FGF14: variants seen among roughly 807,000 people sequenced by gnomAD.
The protein encoded by FGF14 is fibroblast growth factor homologous factor 4.
A neutral mutation model predicts 25.5 loss-of-function variants in FGF14; 5 were observed. The observed-to-expected ratio is 0.20, with a 90% CI of 0.10 to 0.41. The LOEUF (loss-of-function observed/expected upper bound fraction) is 0.41, where lower values mean the gene tolerates loss of function less well. FGF14 is among the 10% of genes least tolerant of loss of function. The probability of loss-of-function intolerance (pLI) is 1.00; values close to 1 mark genes in which losing one functional copy is unlikely to be tolerated. For missense variants in FGF14, 222 were observed against 320.1 expected (o/e 0.69, Z 2.34); for synonymous variants, 138 against 118.3 (o/e 1.17, Z -1.08).
At chr13:101,969,313 C>T (rs1163328048) in intron 1 of FGF14, among the ~76,000 whole-genome samples, 1 of 152,170 alleles carries the variant, frequency 6.6e-6, no homozygotes, top group Non-Finnish European at 1.5e-5. Context: ...CCTGTAATCC[C>T]AGCACTTTGG....
At chr13:101,929,561 C>A (rs1480823626) in intron 1 of FGF14, among the ~76,000 whole-genome samples, 1 of 152,214 alleles carries the variant, frequency 6.6e-6, no homozygotes, top group Non-Finnish European at 1.5e-5. Flanking sequence ...CTATTTTCCA[C>A]ATAGGTTTGC....
At chr13:102,291,968 G>A (rs1043192108) in intron 1 of FGF14, among the ~76,000 whole-genome samples, 3 of 152,042 alleles carry the variant, frequency 2.0e-5, no homozygotes, top group African/African-American at 7.3e-5. Flanking sequence ...AGAAATGCTT[G>A]AGAGTCGCTG....
chr13:102,330,669 C>T (rs1033801487), intron 1 of FGF14, among the ~76,000 whole-genome samples: 1 of 152,114 alleles, frequency 6.6e-6, no homozygotes, highest in Non-Finnish European at 1.5e-5. Flanking sequence ...GCCTTTGCTG[C>T]AAGGTGACTT....
chr13:101,954,773 G>C (rs976163900), intron 1 of FGF14, among the ~76,000 whole-genome samples: 6 of 152,310 alleles, frequency 3.9e-5, no homozygotes, highest in Admixed American at 3.3e-4. Context: ...GCAAACATTA[G>C]AGGTAACAAA....
intron 1 of FGF14, among the ~76,000 whole-genome samples, chr13:102,054,421 A>G (rs1269261778): frequency 1.3e-5 from 2 of 152,222 alleles, no homozygotes; most frequent in Admixed American, 6.5e-5. Context: ...AGATAGTCCC[A>G]TACCACTGTT....
chr13:101,869,407 C>G (rs970810853), intron 2 of FGF14, among the ~76,000 whole-genome samples: 1 of 152,170 alleles, frequency 6.6e-6, no homozygotes, highest in African/African-American at 2.4e-5. Context: ...AGAGGCTACT[C>G]ATTTATGTTT....
intron 3 of FGF14, among the ~76,000 whole-genome samples, chr13:101,841,507 T>G (rs569231413): frequency 6.6e-6 from 1 of 152,106 alleles, no homozygotes; most frequent in Non-Finnish European, 1.5e-5. Flanking sequence ...TATTATTTAC[T>G]ACTGAGCATA....
At chr13:102,065,926 A>G (rs987724870) in intron 1 of FGF14, among the ~76,000 whole-genome samples, 1 of 152,088 alleles carries the variant, frequency 6.6e-6, no homozygotes, top group African/African-American at 2.4e-5. Flanking sequence ...ATCATTACCT[A>G]TGGATATATA....
At chr13:102,238,287 G>T (rs925571345) in intron 1 of FGF14, among the ~76,000 whole-genome samples, 25 of 152,136 alleles carry the variant, frequency 1.6e-4, no homozygotes, top group Non-Finnish European at 1.0e-4. Context: ...AATAAAACAG[G>T]TTGCAACTAC....
chr13:101,969,329 C>T (rs1414704789), intron 1 of FGF14, among the ~76,000 whole-genome samples: 3 of 152,136 alleles, frequency 2.0e-5, no homozygotes, highest in Admixed American at 6.5e-5. Flanking sequence ...TTTGGGAGGC[C>T]GAGGTGGGCG....
chr13:102,030,187 G>A (rs2041142002), intron 1 of FGF14, among the ~76,000 whole-genome samples: 1 of 152,006 alleles, frequency 6.6e-6, no homozygotes, highest in Non-Finnish European at 1.5e-5. Flanking sequence ...ATTTGTCTAT[G>A]GATAATTTGT....
At chr13:101,922,837 GTTT>G (rs369063775) in intron 1 of FGF14, among the ~76,000 whole-genome samples, 3 of 148,650 alleles carry the variant, frequency 2.0e-5, no homozygotes, top group Non-Finnish European at 4.5e-5. Context: ...CCTGGATTTT[GTTT>G]TTTATTTATC....
intron 1 of FGF14, among the ~76,000 whole-genome samples, chr13:102,397,565 A>T (rs904254100): frequency 9.9e-5 from 15 of 152,258 alleles, no homozygotes; most frequent in African/African-American, 3.4e-4. Flanking sequence ...TGTTTTCCAA[A>T]ATCCTACCAA....
intron 1 of FGF14, chr13:102,373,352 A>G (rs1222105691): frequency 6.6e-6 from 1 of 152,200 alleles, no homozygotes; most frequent in Non-Finnish European, 1.5e-5. Context: ...ACTTTTAACT[A>G]TAAACACTGT....
At chr13:102,155,041 T>TA (rs2047264829) in intron 1 of FGF14, among the ~76,000 whole-genome samples, 1 of 152,176 alleles carries the variant, frequency 6.6e-6, no homozygotes, top group Non-Finnish European at 1.5e-5. Flanking sequence ...TAAAGAGACT[T>TA]AGACTCCCAC....
At chr13:101,832,234 A>G (rs1372607173) in intron 3 of FGF14, among the ~76,000 whole-genome samples, 1 of 152,040 alleles carries the variant, frequency 6.6e-6, no homozygotes, top group Non-Finnish European at 1.5e-5. Context: ...AGGAAAGGAA[A>G]GGAAGAGATT....
At chr13:102,321,310 G>T (rs909351542) in intron 1 of FGF14, among the ~76,000 whole-genome samples, 2 of 152,040 alleles carry the variant, frequency 1.3e-5, no homozygotes, top group Non-Finnish European at 1.5e-5. Context: ...AATATGGTAT[G>T]GCATTTTGGT....
At chr13:101,961,284 C>T (rs974588957) in intron 1 of FGF14, among the ~76,000 whole-genome samples, 53 of 149,434 alleles carry the variant, frequency 3.5e-4, no homozygotes, top group African/African-American at 1.3e-3. Context: ...CTGAATGGTA[C>T]TGCCTAGATT....
At chr13:102,348,985 T>C (rs2057194679) in intron 1 of FGF14, among the ~76,000 whole-genome samples, 1 of 152,212 alleles carries the variant, frequency 6.6e-6, no homozygotes, top group Admixed American at 6.5e-5. Flanking sequence ...CCACTGGTTC[T>C]CCACTCTGGC....
Sources: gnomAD v4.1 joint callset for allele counts (sites outside exome capture counted in the v4.1 genomes callset) on GRCh38, gnomAD v4.1.1 for gene constraint, MANE v1.5 for transcripts, NCBI Gene and HGNC (gene_info 2026-07-23, HGNC 2026-07-21) for gene names.